Variants in DACT2 observed in about 807,000 individuals in gnomAD.
DACT2 encodes dapper homolog 2.
A neutral mutation model predicts 22.2 loss-of-function variants in DACT2; 20 were observed. That is an observed-to-expected ratio of 0.90 (90% CI 0.63 to 1.31). The LOEUF (loss-of-function observed/expected upper bound fraction) is 1.31. Among genes scored for constraint, DACT2 ranks in the 50% most tolerant of loss-of-function variants. The pLI is 0.00. For synonymous variants in DACT2, 463 were observed against 479.8 expected (o/e 0.96, Z 0.46); for missense variants, 1,048 against 1,061.4 (o/e 0.99, Z 0.18).
At chr6:168,309,312 C>T (rs114904246) in intron 3 of DACT2, among the ~76,000 whole-genome samples, 21,394 of 151,320 alleles carry the variant, frequency 0.14, 1,565 homozygotes, top group African/African-American at 0.17. Context: ...AGACACTGGG[C>T]GCGGGGCAGA....
At position 168,308,885 on chromosome 6, in the gene DACT2, A is replaced by G; in HGVS notation, c.872T>C (p.Leu291Pro). The G allele has an allele frequency of 1.4e-5, 22 of 1,550,870 alleles. No homozygotes were observed. The highest frequency in any genetic ancestry group is 1.8e-5 in the Non-Finnish European group (21 of 1,146,798). Residue 291 changes from leucine (L) to proline (P), a missense_variant, in exon 4 of 4, where the codon CTG becomes CCG. Transcript: ENST00000366795. ...AVALQSPLFV[L>P]TKETPQRGGP... ...ACCTCTCTGTGGGGTTTCCTTAGTCAGGACAAACAGGGGGCTCTGTAGAGC... is the reference window on the plus strand; with the variant it reads ...ACCTCTCTGTGGGGTTTCCTTAGTCGGGACAAACAGGGGGCTCTGTAGAGC...
At chr6:168,295,109 A>G (rs1298866978) in intron 3 of DACT2, among the ~76,000 whole-genome samples, 3 of 152,058 alleles carry the variant, frequency 2.0e-5, no homozygotes, top group Admixed American at 6.6e-5. Flanking sequence ...AGCCACTCCA[A>G]CTGTTCTCCT....
At chr6:168,303,645 A>G (rs186427013), downstream of DACT2, among the ~76,000 whole-genome samples, 2 of 152,234 alleles carry the variant, frequency 1.3e-5, no homozygotes, top group African/African-American at 2.4e-5. Flanking sequence ...TTCTTTTTCA[A>G]TTACCCAGTT....
At chr6:168,294,670 A>G (rs1219670928) in exon 4 of DACT2, 2 of 1,489,906 alleles carry the variant, frequency 1.3e-6, no homozygotes, top group Non-Finnish European at 1.8e-6. Context: ...CAGGCGGAGC[A>G]TGCATGTCAA....
Position 168,307,527 on chromosome 6 carries a change from C to CGGGG in DACT2, c.2226_2229dup (p.Val744ProfsTer9). On this transcript the variant is annotated frameshift_variant, in exon 4 of 4. Coordinates refer to ENST00000366795, the MANE Select transcript of DACT2 (RefSeq NM_214462.5). LOFTEE classifies it low-confidence loss of function (END_TRUNC). The surrounding 1 kb of genome is among the most constrained non-coding windows in gnomAD (Gnocchi z 5.3). ...GCCTTAATACGGCACAGCTTGGGCA[C>CGGGG]GGGGGACAGGAGTGGCCCCGAGCTG... 2 of 1,551,510 alleles carry CGGGG rather than the reference C, an allele frequency of 1.3e-6. No individual in the cohort carries two copies. The highest frequency in any genetic ancestry group is 1.7e-6 in the Non-Finnish European group (2 of 1,146,948).
At position 168,310,165 on chromosome 6, in the gene DACT2, T is replaced by C; in HGVS notation, c.658+3A>G. Reference sequence around the variant, plus strand: ...ACCCCCACCTTCCCTGGCAGTTTCTTACCTGTAGACACAGGCCTGGGCCAG... The same window carrying C: ...ACCCCCACCTTCCCTGGCAGTTTCTCACCTGTAGACACAGGCCTGGGCCAG... On this transcript the variant is annotated splice_donor_region_variant and intron_variant, in intron 3 of 3. Coordinates refer to ENST00000366795, the MANE Select transcript of DACT2 (RefSeq NM_214462.5). 5 of 1,548,506 alleles carry C rather than the reference T, an allele frequency of 3.2e-6. No homozygotes were observed. The highest frequency in any genetic ancestry group is 2.6e-6 in the Non-Finnish European group (3 of 1,146,534).
exon 6 of DACT2, chr6:168,293,827 G>A (rs1430509102): frequency 1.0e-5 from 7 of 701,912 alleles, no homozygotes; most frequent in Middle Eastern, 2.6e-4. Context: ...TGGGCCTGTG[G>A]CCAGGACCCG....
chr6:168,297,295 A>T (rs1467922557), intron 3 of DACT2, among the ~76,000 whole-genome samples: 9 of 152,104 alleles, frequency 5.9e-5, no homozygotes, highest in Admixed American at 5.9e-4. Flanking sequence ...TTGCCAAGGG[A>T]ATTAGGTGGC....
At chr6:168,301,884 AC>A (rs777130581) in intron 3 of DACT2, among the ~76,000 whole-genome samples, 31 of 152,172 alleles carry the variant, frequency 2.0e-4, no homozygotes, top group Non-Finnish European at 4.1e-4. Flanking sequence ...CTATGGGATG[AC>A]CCACAAGTCC....
chr6:168,307,426 T>A lies in DACT2; in HGVS notation c.*6A>T, dbSNP rs1298341594. Reference sequence around the variant, plus strand: ...AGCAGGCTTCTCTTGACGCAGTCACTGCACCTCACACCATGGTCATGACCT... The same window carrying A: ...AGCAGGCTTCTCTTGACGCAGTCACAGCACCTCACACCATGGTCATGACCT... On this transcript the variant is annotated 3_prime_UTR_variant, in exon 4 of 4. Transcript: ENST00000366795. The surrounding 1 kb of genome is among the most constrained non-coding windows in gnomAD (Gnocchi z 5.3). 2 of 1,551,428 alleles carry A rather than the reference T, an allele frequency of 1.3e-6. No individual in the cohort carries two copies. The highest frequency in any genetic ancestry group is 1.7e-6 in the Non-Finnish European group (2 of 1,146,958).
At chr6:168,306,820 A>C (rs183382970), downstream of DACT2, 214 of 932,534 alleles carry the variant, frequency 2.3e-4, no homozygotes, top group African/African-American at 3.6e-3. Flanking sequence ...CCCCGCCCAA[A>C]GCTGGCACGT....
exon 6 of DACT2, chr6:168,293,635 G>A (rs1248600419): frequency 4.1e-6 from 2 of 493,722 alleles, no homozygotes; most frequent in East Asian, 3.5e-5. Context: ...CAGTCTATTT[G>A]TTAGGGAGAA....
At position 168,307,328 on chromosome 6, in the gene DACT2, T is replaced by C. The variant is rs1043022135; in HGVS notation, c.*104A>G. 1 of 1,491,816 alleles carries C rather than the reference T, an allele frequency of 6.7e-7. No individual in the cohort carries two copies. Among genetic ancestry groups the C allele is most frequent in the Non-Finnish European group, 8.9e-7 (1 of 1,121,248 alleles). The allele number at this position is 1,491,816 out of a possible 1,614,324, so 92.4% of individuals were successfully genotyped here. ...CCTGTTAAACGGTGGCCTCGGAAGATAAAGCGACTTGGCAAGACGACACTG... is the reference window on the plus strand; with the variant it reads ...CCTGTTAAACGGTGGCCTCGGAAGACAAAGCGACTTGGCAAGACGACACTG... On this transcript the variant is annotated 3_prime_UTR_variant, in exon 4 of 4. Transcript: ENST00000366795. The surrounding 1 kb of genome is among the most constrained non-coding windows in gnomAD (Gnocchi z 5.3).
Position 168,310,390 on chromosome 6 carries a change from C to A in DACT2, c.436G>T (p.Val146Phe). The A allele has an allele frequency of 6.4e-7, 1 of 1,551,606 alleles. No individual in the cohort carries two copies. Among genetic ancestry groups the A allele is most frequent in the Middle Eastern group, 1.7e-4 (1 of 5,988 alleles). The change falls in exon 3 of 4, where the codon GTC becomes TTC. Residue 146 changes from valine (V) to phenylalanine (F), a missense_variant. Coordinates refer to ENST00000366795, the MANE Select transcript of DACT2 (RefSeq NM_214462.5). ...GAGGGAGAGATGTGGTCACTGCAGA[C>A]GGAGGCACAGGACGTGGACAGGGAG... ...SCSLSTSCAS[V>F]CSDHISPSLG...
intron 1 of DACT2, among the ~76,000 whole-genome samples, chr6:168,314,593 A>G (rs1013667388): frequency 1.3e-5 from 2 of 152,214 alleles, no homozygotes; most frequent in African/African-American, 2.4e-5. Flanking sequence ...TTCTTTACGC[A>G]CCACAAGAGA....
At chr6:168,312,762 T>TC (rs1779452875) in intron 1 of DACT2, among the ~76,000 whole-genome samples, 1 of 152,180 alleles carries the variant, frequency 6.6e-6, no homozygotes, top group African/African-American at 2.4e-5. Context: ...AATGAGGAGT[T>TC]CCCCTGAGCC....
At chr6:168,311,671 T>TAC (rs1482759893) in intron 1 of DACT2, among the ~76,000 whole-genome samples, 1 of 137,788 alleles carries the variant, frequency 7.3e-6, no homozygotes, top group African/African-American at 2.7e-5. Context: ...TACACACATA[T>TAC]ACACACACAC....
At position 168,308,851 on chromosome 6, in the gene DACT2, C is replaced by T. The variant is rs754693657; in HGVS notation, c.906G>A (p.Ser302=). The T allele has an allele frequency of 2.5e-5, 39 of 1,550,948 alleles. No homozygotes were observed. The highest frequency in any genetic ancestry group is 8.2e-5 in the African/African-American group (6 of 73,048). Residue 302 remains serine, a synonymous_variant, in exon 4 of 4, where the codon TCG becomes TCA. Coordinates refer to ENST00000366795, the MANE Select transcript of DACT2 (RefSeq NM_214462.5). ...TKETPQRGGP[S]FPRESPRGPA... The stretch of plus-strand genomic sequence containing the variant: ...GGCCCCTGGGGCTCTCCCTAGGGAA[C>T]GAGGGGCCACCTCTCTGTGGGGTTT...
At chr6:168,315,576 T>G (rs1779521493) in intron 1 of DACT2, among the ~76,000 whole-genome samples, 1 of 152,210 alleles carries the variant, frequency 6.6e-6, no homozygotes, top group Non-Finnish European at 1.5e-5. Context: ...CTCATCTATT[T>G]ATTCAGCAAA....
Sources: gnomAD v4.1 joint callset for allele counts (sites outside exome capture counted in the v4.1 genomes callset) on GRCh38, gnomAD v4.1.1 for gene constraint, Gnocchi (gnomAD v3.1) non-coding constraint, MANE v1.5 for transcripts, NCBI Gene and HGNC (gene_info 2026-07-23, HGNC 2026-07-21) for gene names.